The following KRT24 variants were observed in gnomAD, a reference collection of about 807,000 sequenced individuals.
The protein encoded by KRT24 is keratin, type I cytoskeletal 24.
KRT24 carries 44 observed loss-of-function variants against 51.7 expected under a neutral mutation model. That is an observed-to-expected ratio of 0.85 (90% CI 0.67 to 1.09). KRT24 has a LOEUF of 1.09. Among genes scored for constraint, KRT24 ranks in the 50% least tolerant of loss-of-function variants. The pLI, the probability that KRT24 is intolerant of heterozygous loss-of-function variation, is 0.00. For synonymous variants in KRT24, 241 were observed against 249.5 expected, an observed-to-expected ratio of 0.97 and a Z score of 0.32; for missense variants, 633 against 647.0, an observed-to-expected ratio of 0.98 and a Z score of 0.24.
chr17:40,699,022 G>A (rs1393936703), intron 6 of KRT24, among the ~76,000 whole-genome samples: 1 of 152,004 alleles, frequency 6.6e-6, no homozygotes, highest in East Asian at 1.9e-4. Flanking sequence ...GACTACAGGT[G>A]TGTGCCACCA....
Position 40,701,904 on chromosome 17 carries a change from C to T in KRT24, c.645G>A (p.Gly215=), listed in dbSNP as rs1597777517. ...QIIAATVENA[G]IILHIDNARL... is the part of the protein sequence containing the mutation. ...TGGCATTGTCAATGTGCAAAATGATCCCAGCATTTTCAACAGTGGCAGCAA... is the reference window on the plus strand; with the variant it reads ...TGGCATTGTCAATGTGCAAAATGATTCCAGCATTTTCAACAGTGGCAGCAA... Residue 215 remains glycine, a synonymous_variant, in exon 2 of 8, where the codon GGG becomes GGA. Transcript: ENST00000264651. 6.4e-7 allele frequency: 1 copy of T among 1,553,202 alleles called. No homozygotes were observed. Among genetic ancestry groups the T allele is most frequent in the Non-Finnish European group, 8.7e-7 (1 of 1,142,924 alleles).
chr17:40,698,255 A>C lies in KRT24; in HGVS notation c.1560T>G (p.Ser520=). The change falls in exon 8 of 8, where the codon TCT becomes TCG. Residue 520 remains serine (S), a synonymous_variant. Transcript: ENST00000264651. Reference sequence around the variant, plus strand: ...AAGTTCCTTATTTAACTTTCACCTCAGAAATACTGCTGACTTGAGACGAGA... The same window carrying C: ...AAGTTCCTTATTTAACTTTCACCTCCGAAATACTGCTGACTTGAGACGAGA... The part of the protein sequence containing the change: ...KVVSSQVSSI[S]EVKVK 1 of 1,611,712 alleles carries C rather than the reference A, an allele frequency of 6.2e-7. No homozygotes were observed. The highest frequency in any genetic ancestry group is 8.5e-7 in the Non-Finnish European group (1 of 1,178,022).
chr17:40,701,766 TA>T (rs1567863104), intron 2 of KRT24, 84 bp downstream of exon 2: 1,340 of 47,318 alleles, frequency 0.028, 87 homozygotes, highest in Admixed American at 0.079. Context: ...TATATATATA[TA>T]TATATATATA....
intron 1 of KRT24, 27 bp from the exon 2 acceptor site, chr17:40,701,960 A>T (rs1026541919): frequency 8.1e-7 from 1 of 1,238,224 alleles, no homozygotes; most frequent in South Asian, 1.4e-5. Flanking sequence ...TAGTGAGTGA[A>T]TCACGAATGA....
At chr17:40,702,613 T>C (rs951538176) in intron 1 of KRT24, among the ~76,000 whole-genome samples, 1 of 152,242 alleles carries the variant, frequency 6.6e-6, no homozygotes, top group African/African-American at 2.4e-5. Context: ...AAAAAGTCTT[T>C]AAAAATATAT....
At position 40,701,941 on chromosome 17, in the gene KRT24, A is replaced by G; in HGVS notation, c.616-8T>C. 1.4e-6 allele frequency: 2 copies of G among 1,467,766 alleles called. No individual in the cohort carries two copies. The highest frequency in any genetic ancestry group is 1.9e-6 in the Non-Finnish European group (2 of 1,071,462). The allele number at this position is 1,467,766 out of a possible 1,614,324, so 90.9% of individuals were successfully genotyped here. A position where few individuals can be genotyped will look rare whatever the true frequency, so the allele number is the denominator to read the frequency against. ...AACAGTGGCAGCAATGATCTAAAAAAGATGTTAATAGTGAGTGAATCACGA... is the reference window on the plus strand; with the variant it reads ...AACAGTGGCAGCAATGATCTAAAAAGGATGTTAATAGTGAGTGAATCACGA... On this transcript the variant is annotated splice_region_variant and splice_polypyrimidine_tract_variant and intron_variant, in intron 1 of 7. Transcript: ENST00000264651.
In KRT24 at chr17:40,700,043, A is replaced by G. The variant is rs151290359; in HGVS notation, c.1098T>C (p.Arg366=). Residue 366 remains arginine (R), a synonymous_variant, in exon 5 of 8, where the codon CGT becomes CGC. Coordinates refer to ENST00000264651, the MANE Select transcript of KRT24 (RefSeq NM_019016.3). ...SAKNEITELK[R]TLQALEIELQ... ...GCTCAATTTCCAGGGCTTGCAGGGT[A>G]CGTTTTAGTTCTGTTATCTCATTCT... 1.3e-5 allele frequency: 21 copies of G among 1,614,050 alleles called. No individual in the cohort carries two copies. Among genetic ancestry groups the G allele is most frequent in the African/African-American group, 2.7e-5 (2 of 74,926 alleles).
chr17:40,699,685 A>G (rs757123678), intron 5 of KRT24, 24 bp from the exon 6 acceptor site: 6 of 1,588,596 alleles, frequency 3.8e-6, no homozygotes, highest in Non-Finnish European at 4.3e-6. Flanking sequence ...CAAATAAAAA[A>G]TTCATGATGA....
intron 6 of KRT24, 121 bp downstream of exon 6, chr17:40,699,323 G>T: frequency 1.3e-6 from 1 of 769,210 alleles, no homozygotes; most frequent in Non-Finnish European, 2.2e-6. Context: ...ACTGCACGCA[G>T]CCTGTGTCTG....
Position 40,703,647 on chromosome 17 carries a change from C to T in KRT24, c.47G>A (p.Ser16Asn). 6.2e-7 allele frequency: 1 copy of T among 1,601,958 alleles called. No individual in the cohort carries two copies. Among genetic ancestry groups the T allele is most frequent in the Non-Finnish European group, 8.5e-7 (1 of 1,174,742 alleles). ...TCCACCAGCAGACACCCTGGCTGAG[C>T]TGCTGCCTCCAGCCCTGGAGGAGGA... ...RASSSRAGGSSSARVSAGGSS... is the reference protein window; with the variant it reads ...RASSSRAGGSNSARVSAGGSS... Residue 16 changes from serine to asparagine, a missense_variant, in exon 1 of 8, where the codon AGC becomes AAC. Ser to Asn is a conservative substitution (Grantham distance 46). Coordinates refer to ENST00000264651, the MANE Select transcript of KRT24 (RefSeq NM_019016.3).
intron 6 of KRT24, 114 bp from the exon 7 acceptor site, chr17:40,698,764 A>C (rs1184579870): frequency 1.5e-6 from 1 of 671,766 alleles, no homozygotes; most frequent in Non-Finnish European, 2.7e-6. Context: ...TTTTAATTGG[A>C]TTGTGTCTGC....
intron 1 of KRT24, among the ~76,000 whole-genome samples, chr17:40,702,815 A>T (rs2037698068): frequency 6.6e-6 from 1 of 152,312 alleles, no homozygotes; most frequent in African/African-American, 2.4e-5. Flanking sequence ...CACCATTCTT[A>T]TATATAAATG....
At position 40,701,315 on chromosome 17, in the gene KRT24, A is replaced by T. The variant is rs1463632793; in HGVS notation, c.699-19T>A. 1 of 1,607,576 alleles carries T rather than the reference A, an allele frequency of 6.2e-7. No individual in the cohort carries two copies. The highest frequency in any genetic ancestry group is 1.3e-5 in the African/African-American group (1 of 74,634). On this transcript the variant is annotated intron_variant, in intron 2 of 7. Coordinates refer to ENST00000264651, the MANE Select transcript of KRT24 (RefSeq NM_019016.3). ...CTCATACCTGGAAGGGGCAGCAGTA[A>T]GGCAAAAAATACTGTGAGCTCACCT...
intron 2 of KRT24, among the ~76,000 whole-genome samples, 200 bp downstream of exon 2, chr17:40,701,651 A>T (rs1330229965): frequency 1.4e-5 from 2 of 147,448 alleles, no homozygotes; most frequent in Non-Finnish European, 3.0e-5. Context: ...CTGCCCCAGC[A>T]TCAGTGGAGA....
chr17:40,701,766 TATATATA>T (rs1567863106), intron 2 of KRT24, 78 bp downstream of exon 2: 109 of 47,480 alleles, frequency 2.3e-3, no homozygotes, highest in African/African-American at 8.5e-3. Context: ...TATATATATA[TATATATA>T]TATATATTTA....
chr17:40,702,895 A>G (rs1261053493), intron 1 of KRT24, among the ~76,000 whole-genome samples, 184 bp downstream of exon 1: 3 of 152,192 alleles, frequency 2.0e-5, no homozygotes, highest in African/African-American at 7.2e-5. Flanking sequence ...ATGGAAACAG[A>G]AAATTAATGT....
In KRT24 at chr17:40,701,229, C is replaced by G; in HGVS notation, c.766G>C (p.Asp256His). ...TCAGAGCGGGTCATAGTCAGGTCAT[C>G]CAGGACTTTCCGCAGGCCATTGATG... ...ADINGLRKVL[D>H]DLTMTRSDLE... is the part of the protein sequence containing the mutation. Residue 256 changes from aspartate to histidine, a missense_variant, in exon 3 of 8, where the codon GAT (aspartate) becomes CAT (histidine). Asp to His is a moderately conservative substitution (Grantham distance 81, BLOSUM62 -1). Transcript: ENST00000264651. The G allele has an allele frequency of 6.2e-7, 1 of 1,614,078 alleles. No homozygotes were observed. Among genetic ancestry groups the G allele is most frequent in the Non-Finnish European group, 8.5e-7 (1 of 1,179,976 alleles).
chr17:40,698,382 C>T (rs766634135), intron 7 of KRT24, 42 bp from the exon 8 acceptor site: 22 of 1,337,144 alleles, frequency 1.6e-5, no homozygotes, highest in Non-Finnish European at 2.0e-5. Context: ...GAAACTCTCA[C>T]AGAAACACAG....
chr17:40,703,321 C>A lies in KRT24; in HGVS notation c.373G>T (p.Gly125Cys), dbSNP rs776661744. Residue 125 changes from glycine to cysteine, a missense_variant, in exon 1 of 8, where the codon GGT (glycine) becomes TGT (cysteine). Transcript: ENST00000264651. ...ATGGFYSYGG[G>C]MGGGVGDGGL... Reference sequence around the variant, plus strand: ...CCATCGCCAACACCACCTCCCATACCACCACCATAGCTGTAGAAGCCTCCA... The same window carrying A: ...CCATCGCCAACACCACCTCCCATACAACCACCATAGCTGTAGAAGCCTCCA... 3.1e-6 allele frequency: 5 copies of A among 1,613,954 alleles called. No individual in the cohort carries two copies. The highest frequency in any genetic ancestry group is 3.3e-5 in the Admixed American group (2 of 59,996).
Sources: allele counts gnomAD v4.1 joint callset (sites outside exome capture counted in the v4.1 genomes callset), GRCh38; gene constraint gnomAD v4.1.1; transcripts MANE v1.5; gene names NCBI Gene and HGNC (gene_info 2026-07-23, HGNC 2026-07-21).